Variants in MYO3B observed in about 807,000 individuals in gnomAD.
The protein encoded by MYO3B is myosin-IIIb.
Under a neutral mutation model 174.6 loss-of-function variants are expected in MYO3B, and 156 were observed. The observed-to-expected ratio is 0.89, with a 90% CI of 0.78 to 1.02. The LOEUF (loss-of-function observed/expected upper bound fraction) is 1.02. Among genes scored for constraint, MYO3B ranks in the 50% least tolerant of loss-of-function variants. The probability of loss-of-function intolerance (pLI) is 0.00; values close to 1 mark genes in which losing one functional copy is unlikely to be tolerated. For synonymous variants in MYO3B, 563 were observed against 569.1 expected (o/e 0.99, Z 0.15); for missense variants, 1,632 against 1,639.4 (o/e 1.00, Z 0.08).
chr2:170,510,734 C>A (rs1007598801), intron 28 of MYO3B, among the ~76,000 whole-genome samples: 2 of 151,914 alleles, frequency 1.3e-5, no homozygotes, highest in East Asian at 3.9e-4. Flanking sequence ...ACCCCCCTCA[C>A]CCTCAGCCCC....
At chr2:170,292,030 C>T (rs1421962067) in intron 7 of MYO3B, among the ~76,000 whole-genome samples, 1 of 152,142 alleles carries the variant, frequency 6.6e-6, no homozygotes, top group Non-Finnish European at 1.5e-5. Context: ...ACCCCTTGCT[C>T]CTACTCACTT....
chr2:170,321,712 A>T (rs1023195157), intron 7 of MYO3B, among the ~76,000 whole-genome samples: 1 of 152,104 alleles, frequency 6.6e-6, no homozygotes, highest in Non-Finnish European at 1.5e-5. Flanking sequence ...CTGATGACTT[A>T]ATGTTGATGT....
chr2:170,357,065 G>C (rs1321040029), intron 8 of MYO3B, among the ~76,000 whole-genome samples: 1 of 152,216 alleles, frequency 6.6e-6, no homozygotes, highest in Non-Finnish European at 1.5e-5. Context: ...TCACAGACAG[G>C]TGTGAGACAC....
At chr2:170,271,563 A>C (rs1050913165) in intron 7 of MYO3B, among the ~76,000 whole-genome samples, 11 of 152,152 alleles carry the variant, frequency 7.2e-5, no homozygotes, top group African/African-American at 1.4e-4. Context: ...GCCTTTGCCT[A>C]AGTGTGGAAT....
At chr2:170,340,566 C>T (rs1265385814) in intron 8 of MYO3B, 1 of 152,206 alleles carries the variant, frequency 6.6e-6, no homozygotes, top group Non-Finnish European at 1.5e-5. Flanking sequence ...ACACAGGAGC[C>T]TTCACTCAAA....
At chr2:170,485,778 C>T (rs1468338014) in intron 25 of MYO3B, among the ~76,000 whole-genome samples, 1 of 152,156 alleles carries the variant, frequency 6.6e-6, no homozygotes, top group East Asian at 1.9e-4. Flanking sequence ...CTCCGTAAGT[C>T]ATTTGGGCCT....
intron 22 of MYO3B, among the ~76,000 whole-genome samples, 198 bp from the exon 23 acceptor site, chr2:170,443,769 A>C (rs199978437): frequency 1.5e-5 from 2 of 134,694 alleles, no homozygotes; most frequent in Admixed American, 1.6e-4. Flanking sequence ...ATAAGTTACA[A>C]ATTATTTTAA....
Position 170,353,363 on chromosome 2 carries a change from A to G in MYO3B, c.816-15859A>G, listed in dbSNP as rs930875547. ...GTGACATTCTGGAAAAGGCAAAACC[A>G]TGGAGACAGTATGGAGATCAGTAGT... On this transcript the variant is annotated intron_variant, in intron 8 of 34. Transcript: ENST00000408978. Among the ~76,000 whole-genome samples, 6 of 151,428 alleles carry G rather than the reference A, an allele frequency of 4.0e-5. No individual in the cohort carries two copies. In the South Asian group the frequency reaches 8.4e-4, roughly 21 times the overall value.
At chr2:170,456,294 C>T (rs1193039955) in intron 23 of MYO3B, among the ~76,000 whole-genome samples, 1 of 152,188 alleles carries the variant, frequency 6.6e-6, no homozygotes, top group Non-Finnish European at 1.5e-5. Context: ...GTTGTGTTGA[C>T]AGACTGCAGC....
At chr2:170,642,049 G>A (rs1698013669) in intron 32 of MYO3B, among the ~76,000 whole-genome samples, 1 of 152,020 alleles carries the variant, frequency 6.6e-6, no homozygotes, top group Admixed American at 6.6e-5. Flanking sequence ...AGTTTCCCCA[G>A]AGGTATCCCA....
intron 23 of MYO3B, 104 bp from the exon 24 acceptor site, chr2:170,463,264 G>A (rs1684420385): frequency 7.2e-6 from 6 of 836,850 alleles, no homozygotes; most frequent in African/African-American, 5.1e-5. Flanking sequence ...AAATACCATG[G>A]CCCCTCAGGT....
chr2:170,496,725 G>A (rs1049548681), intron 25 of MYO3B, among the ~76,000 whole-genome samples: 1 of 151,604 alleles, frequency 6.6e-6, no homozygotes, highest in African/African-American at 2.4e-5. Context: ...GCTCACTGCA[G>A]CCCCAAACTC....
chr2:170,391,714 A>G lies in MYO3B; in HGVS notation c.1676+96A>G, dbSNP rs2094413342. The G allele has an allele frequency of 5.5e-6, 4 of 722,836 alleles. No homozygotes were observed. The South Asian group carries it at 7.1e-5, about 13-fold the overall frequency. 44.8% of individuals were successfully genotyped at this position (722,836 alleles called of 1,614,324 possible). A position where few individuals can be genotyped will look rare whatever the true frequency, so the allele number is the denominator to read the frequency against. On this transcript the variant is annotated intron_variant, in intron 15 of 34. Transcript: ENST00000408978. ...AATGGAGCTGTTTTCCTAACTGGAAACTCACAGTCTATTTAACTAAAGTGC... is the reference window on the plus strand; with the variant it reads ...AATGGAGCTGTTTTCCTAACTGGAAGCTCACAGTCTATTTAACTAAAGTGC...
rs114177099 is a variant in MYO3B at position 170,550,617 on chromosome 2, A to G, written c.3733+6629A>G. On this transcript the variant is annotated intron_variant, in intron 32 of 34. Coordinates refer to ENST00000408978, the MANE Select transcript of MYO3B (RefSeq NM_138995.5). ...CAAACATTTATTGAGCACCTACTAT[A>G]TGTCAACCACAGGGCCAGGAAATGA... Among the ~76,000 whole-genome samples the G allele has an allele frequency of 5.7e-3, 868 of 152,322 alleles. 2 individuals are homozygous for G. The highest frequency in any genetic ancestry group is 0.019 in the African/African-American group (794 of 41,570).
At chr2:170,411,162 T>C (rs2094543748) in intron 22 of MYO3B, among the ~76,000 whole-genome samples, 1 of 152,168 alleles carries the variant, frequency 6.6e-6, no homozygotes, top group Admixed American at 6.5e-5. Flanking sequence ...CAGGATCACT[T>C]TCCTGTTCTT....
At chr2:170,607,179 TTAGA>T (rs989050001) in intron 32 of MYO3B, among the ~76,000 whole-genome samples, 5 of 152,222 alleles carry the variant, frequency 3.3e-5, no homozygotes, top group Non-Finnish European at 5.9e-5. Context: ...ATTGTTGCTA[TTAGA>T]TAGTTTGTTA....
intron 32 of MYO3B, among the ~76,000 whole-genome samples, chr2:170,632,212 A>T (rs1306462224): frequency 6.6e-6 from 1 of 152,198 alleles, no homozygotes; most frequent in Non-Finnish European, 1.5e-5. Context: ...ACTTGTTCCA[A>T]AATTGACCAC....
At chr2:170,291,082 C>G (rs766643342) in intron 7 of MYO3B, among the ~76,000 whole-genome samples, 26 of 151,922 alleles carry the variant, frequency 1.7e-4, no homozygotes, top group Non-Finnish European at 3.2e-4. Context: ...AACCCCGTCT[C>G]TACTAAAAAT....
intron 3 of MYO3B, among the ~76,000 whole-genome samples, chr2:170,208,655 A>T (rs2092739761): frequency 6.6e-6 from 1 of 152,186 alleles, no homozygotes; most frequent in African/African-American, 2.4e-5. Flanking sequence ...AAAAACAACT[A>T]ATGAGTCTAG....
Sources: allele counts gnomAD v4.1 joint callset (sites outside exome capture counted in the v4.1 genomes callset), GRCh38; gene constraint gnomAD v4.1.1; transcripts MANE v1.5; gene names NCBI Gene and HGNC (gene_info 2026-07-23, HGNC 2026-07-21).